Variants in ELF1 observed in about 807,000 individuals in gnomAD.
The protein encoded by ELF1 is E74 like ETS transcription factor 1, also known as ETS-related transcription factor Elf-1.
A neutral mutation model predicts 59.9 loss-of-function variants in ELF1; 24 were observed. That is an observed-to-expected ratio of 0.40 (90% CI 0.29 to 0.56). The LOEUF (loss-of-function observed/expected upper bound fraction) is 0.56. ELF1 is among the 20% of genes least tolerant of loss of function. The pLI, the probability that ELF1 is intolerant of heterozygous loss-of-function variation, is 0.44. For missense variants in ELF1, 627 were observed against 742.2 expected (o/e 0.84, Z 1.80); for synonymous variants, 248 against 266.2 (o/e 0.93, Z 0.67).
intron 1 of ELF1, among the ~76,000 whole-genome samples, chr13:41,048,783 C>T (rs1187333697): frequency 2.0e-5 from 3 of 151,862 alleles, no homozygotes; most frequent in Non-Finnish European, 2.9e-5. Context: ...CCCTGTCACA[C>T]ACCGCAACCC....
intron 1 of ELF1, among the ~76,000 whole-genome samples, chr13:41,053,463 G>T (rs1299085262): frequency 6.6e-6 from 1 of 152,122 alleles, no homozygotes; most frequent in Non-Finnish European, 1.5e-5. Flanking sequence ...AGTATCAGTG[G>T]CAAGGGGGTC....
In ELF1 at chr13:40,969,690, G is replaced by A. The variant is rs567272525; in HGVS notation, c.73-10674C>T. ...TGAATTAGGAAACTCTCTCTGAACC[G>A]AAACTGTTTAAATTAGTTCATTAAA... On this transcript the variant is annotated intron_variant, in intron 2 of 8. Transcript: ENST00000239882. 4.6e-5 allele frequency among the ~76,000 whole-genome samples: 7 copies of A among 152,258 alleles called. No homozygotes were observed. The South Asian group carries it at 8.3e-4, about 18-fold the overall frequency.
At chr13:41,058,741 G>A (rs1194634848) in intron 1 of ELF1, among the ~76,000 whole-genome samples, 1 of 152,236 alleles carries the variant, frequency 6.6e-6, no homozygotes, top group East Asian at 1.9e-4. Context: ...GGGAGGCCGA[G>A]GTGGGTGGAT....
chr13:40,939,181 T>C (rs947964718), intron 8 of ELF1, among the ~76,000 whole-genome samples: 1 of 152,022 alleles, frequency 6.6e-6, no homozygotes, highest in African/African-American at 2.4e-5. Context: ...AAAAATTAGC[T>C]GGACATGCCT....
intron 1 of ELF1, among the ~76,000 whole-genome samples, chr13:41,037,744 C>T (rs545638354): frequency 3.3e-5 from 5 of 150,030 alleles, no homozygotes; most frequent in South Asian, 2.1e-4. Flanking sequence ...TGCAGTGAGC[C>T]GAGATCACAC....
rs9566677 is a variant in ELF1, at chr13:41,053,278, C to T, written c.-229+7560G>A. 2.8e-3 allele frequency among the ~76,000 whole-genome samples: 420 copies of T among 151,784 alleles called. 8 individuals carry two copies. In the East Asian group the frequency reaches 0.049, roughly 18 times the overall value. ...CTGAGGCATGAGAATTGCTTGAACC[C>T]GGGAGGCAGAGCTTGTAGTGAGCCG... On this transcript the variant is annotated intron_variant, in intron 1 of 1. Transcript: ENST00000405737.
At chr13:40,988,296 A>G (rs1473504294) in intron 1 of ELF1, among the ~76,000 whole-genome samples, 5 of 152,238 alleles carry the variant, frequency 3.3e-5, no homozygotes, top group Admixed American at 3.3e-4. Flanking sequence ...ATTTAGGCCT[A>G]GAGCATTCTG....
chr13:40,990,363 T>C (rs904353288), intron 1 of ELF1, among the ~76,000 whole-genome samples: 12 of 152,178 alleles, frequency 7.9e-5, no homozygotes, highest in African/African-American at 2.7e-4. Flanking sequence ...AAGGGAAAAA[T>C]TCACTTTCGC....
At chr13:41,019,698 C>CT (rs2138391274), upstream of ELF1, among the ~76,000 whole-genome samples, 1 of 152,098 alleles carries the variant, frequency 6.6e-6, no homozygotes, top group Admixed American at 6.5e-5. Flanking sequence ...ATAGCAAACT[C>CT]TGTGGCTCTT....
chr13:40,998,262 G>C (rs902011594), intron 1 of ELF1, among the ~76,000 whole-genome samples: 2 of 152,202 alleles, frequency 1.3e-5, no homozygotes, highest in African/African-American at 2.4e-5. Flanking sequence ...ACATTCTGGT[G>C]AACAATGAAG....
At chr13:41,022,627 TCC>T (rs1875733393), upstream of ELF1, among the ~76,000 whole-genome samples, 1 of 152,250 alleles carries the variant, frequency 6.6e-6, no homozygotes, top group Admixed American at 6.5e-5. Flanking sequence ...ACGCTTGTAA[TCC>T]CAGCACTTTG....
chr13:40,975,605 T>C (rs1197669421), intron 2 of ELF1, among the ~76,000 whole-genome samples: 1 of 152,228 alleles, frequency 6.6e-6, no homozygotes, highest in Non-Finnish European at 1.5e-5. Flanking sequence ...CATGAGCATC[T>C]GTTTCTGGTC....
rs181546706 is a variant in ELF1, at chr13:40,987,402, G to A, written c.-228-5120C>T. On this transcript the variant is annotated intron_variant, in intron 1 of 8. Transcript: ENST00000239882. ...TCGAGACCAGCCTGACCAACATGGT[G>A]AAACCCCGTCCCTACCAAAAACACA... Among the ~76,000 whole-genome samples, 145 of 149,972 alleles carry A rather than the reference G, an allele frequency of 9.7e-4. 1 individual carries two copies. In the East Asian group the frequency reaches 0.029, roughly 30 times the overall value.
chr13:40,933,448 G>A lies in ELF1; in HGVS notation c.1837C>T (p.Leu613=), dbSNP rs1869538500. The part of the protein sequence containing the change: ...TSQVAMKQNE[L]LEPNSF ...AACTAAAAAGAGTTGGGTTCCAGCA[G>A]TTCGTTTTGTTTCATAGCTACCTGA... is the stretch of plus-strand genomic sequence containing the variant. The change falls in exon 9 of 9, where the codon CTG becomes TTG. Residue 613 remains leucine, a synonymous_variant. Coordinates refer to ENST00000239882, the MANE Select transcript of ELF1 (RefSeq NM_172373.4). 2 of 1,613,300 alleles carry A rather than the reference G, an allele frequency of 1.2e-6. No homozygotes were observed. The highest frequency in any genetic ancestry group is 2.7e-5 in the African/African-American group (2 of 74,846).
chr13:40,949,689 A>T, intron 5 of ELF1, 117 bp downstream of exon 5: 1 of 1,272,866 alleles, frequency 7.9e-7, no homozygotes, highest in Non-Finnish European at 1.1e-6. Context: ...TTGTGCCTTC[A>T]ATGTTTTTCT....
At chr13:40,978,464 T>G (rs1593375487) in intron 2 of ELF1, among the ~76,000 whole-genome samples, 1 of 152,120 alleles carries the variant, frequency 6.6e-6, no homozygotes, top group Middle Eastern at 3.4e-3. Context: ...AAAGCTTTCC[T>G]AAGCAGAAGG....
At chr13:40,956,175 T>C (rs1275109682) in intron 3 of ELF1, among the ~76,000 whole-genome samples, 5 of 151,226 alleles carry the variant, frequency 3.3e-5, no homozygotes, top group Non-Finnish European at 7.4e-5. Context: ...ATGGTTGCCG[T>C]GTCTGTGTAG....
rs1202225429 is a variant in ELF1, at chr13:40,987,281, A to G, written c.-228-4999T>C. On this transcript the variant is annotated intron_variant, in intron 1 of 8. Coordinates refer to ENST00000239882, the MANE Select transcript of ELF1 (RefSeq NM_172373.4). ...TAAGTTACTATGGTACCAACTGTTT[A>G]TGGTGAAAATTAATAAATAGTCCGG... Among the ~76,000 whole-genome samples, 7 of 148,062 alleles carry G rather than the reference A, an allele frequency of 4.7e-5. 1 individual carries two copies. In the East Asian group the frequency reaches 1.5e-3, roughly 32 times the overall value.
intron 8 of ELF1, 35 bp downstream of exon 8, chr13:40,940,886 T>A (rs1265510279): frequency 2.0e-5 from 31 of 1,563,790 alleles, no homozygotes; most frequent in Non-Finnish European, 2.5e-5. Context: ...AGAAACATAT[T>A]GAAGTGATAA....
Sources: gnomAD v4.1 joint callset for allele counts (sites outside exome capture counted in the v4.1 genomes callset) on GRCh38, gnomAD v4.1.1 for gene constraint, MANE v1.5 for transcripts, NCBI Gene and HGNC (gene_info 2026-07-23, HGNC 2026-07-21) for gene names.